SCAPER: variants seen among roughly 807,000 people sequenced by gnomAD.
SCAPER encodes S-phase cyclin A associated protein in the ER, also known as S phase cyclin A-associated protein in the endoplasmic reticulum.
A neutral mutation model predicts 182.2 loss-of-function variants in SCAPER; 98 were observed. The observed-to-expected ratio is 0.54, with a 90% CI of 0.46 to 0.64. The LOEUF is 0.64. SCAPER is among the 30% of genes least tolerant of loss of function. The probability of loss-of-function intolerance (pLI) is 0.00; values close to 1 mark genes in which losing one functional copy is unlikely to be tolerated. For missense variants in SCAPER, 1,432 were observed against 1,690.0 expected (o/e 0.85, Z 2.68); for synonymous variants, 605 against 564.6 (o/e 1.07, Z -1.01).
At chr15:76,415,382 ACT>A (rs1158555017) in intron 26 of SCAPER, among the ~76,000 whole-genome samples, 1 of 152,080 alleles carries the variant, frequency 6.6e-6, no homozygotes, top group Admixed American at 6.5e-5. Context: ...CCCTTGAGAA[ACT>A]CTGTACAAGT....
In SCAPER at chr15:76,632,600, T is replaced by C. The variant is rs148035197; in HGVS notation, c.2646-10771A>G. 2.0e-5 allele frequency among the ~76,000 whole-genome samples: 3 copies of C among 152,312 alleles called. No homozygotes were observed. The East Asian group carries it at 5.8e-4, about 29-fold the overall frequency. ...TTACCCATCTTCTGAAGCCTACTTC[T>C]GTCAATTCATCCGTCTCAGCTTCAG... On this transcript the variant is annotated intron_variant, in intron 21 of 31. Transcript: ENST00000563290.
chr15:76,661,347 A>AG (rs771885836), intron 21 of SCAPER, among the ~76,000 whole-genome samples: 1 of 152,232 alleles, frequency 6.6e-6, no homozygotes, highest in Non-Finnish European at 1.5e-5. Flanking sequence ...ATTAAACTAA[A>AG]GAGCTTCTGC....
intron 25 of SCAPER, among the ~76,000 whole-genome samples, chr15:76,441,180 C>T (rs1158708778): frequency 6.6e-6 from 1 of 151,478 alleles, no homozygotes; most frequent in African/African-American, 2.4e-5. Flanking sequence ...CTTGGCCTCC[C>T]AAAGTGCTGG....
At chr15:76,779,041 T>TTATAGGA (rs901602218) in intron 8 of SCAPER, among the ~76,000 whole-genome samples, 3 of 151,928 alleles carry the variant, frequency 2.0e-5, no homozygotes, top group African/African-American at 4.8e-5. Flanking sequence ...ACACAAAACA[T>TTATAGGA]TATAGGATAT....
intron 29 of SCAPER, among the ~76,000 whole-genome samples, chr15:76,375,392 C>T (rs2042482981): frequency 1.3e-5 from 2 of 151,740 alleles, no homozygotes; most frequent in African/African-American, 2.4e-5. Context: ...CTCACCAACA[C>T]CAAAGGAAGG....
At chr15:76,536,636 T>A (rs1290481500) in intron 23 of SCAPER, among the ~76,000 whole-genome samples, 1 of 152,116 alleles carries the variant, frequency 6.6e-6, no homozygotes, top group Non-Finnish European at 1.5e-5. Flanking sequence ...ACTGGAAGCA[T>A]TCCCTTTGAA....
chr15:76,616,799 T>C (rs2454452), intron 22 of SCAPER, among the ~76,000 whole-genome samples: 147,995 of 152,162 alleles, frequency 0.97, 72,088 homozygotes, highest in South Asian at 1. Context: ...CATTACTACC[T>C]TTTTGGGCCT....
chr15:76,481,011 A>G (rs969884250), intron 24 of SCAPER, among the ~76,000 whole-genome samples: 3 of 152,166 alleles, frequency 2.0e-5, no homozygotes, highest in Admixed American at 6.6e-5. Context: ...GATTACAGGC[A>G]TGAGCCACCG....
intron 4 of SCAPER, among the ~76,000 whole-genome samples, chr15:76,857,434 GAAAAAAAAAAAGTTA>G (rs2071492681): frequency 8.3e-6 from 1 of 120,592 alleles, no homozygotes; most frequent in African/African-American, 3.1e-5. Context: ...CTGTCTCAAA[GAAAAAAAAAAAGTTA>G]AAAAAAAAAA....
chr15:76,369,687 T>G (rs1050446379), intron 29 of SCAPER, among the ~76,000 whole-genome samples: 3 of 152,234 alleles, frequency 2.0e-5, no homozygotes, highest in African/African-American at 7.2e-5. Context: ...GTGGGGGCAG[T>G]AGAAAGGGAA....
rs143906719 is a variant in SCAPER at position 76,785,581 on chromosome 15, T to C, written c.772+9699A>G. ...TATTATAAAGACATATGCACACGTA[T>C]GTTTATTGTGGCACTATTCACAATA... On this transcript the variant is annotated intron_variant, in intron 8 of 31. Coordinates refer to ENST00000563290, the MANE Select transcript of SCAPER (RefSeq NM_020843.4). Among the ~76,000 whole-genome samples the C allele has an allele frequency of 8.1e-3, 1,232 of 152,330 alleles. 19 individuals are homozygous for C. The highest frequency in any genetic ancestry group is 0.027 in the African/African-American group (1,118 of 41,552).
Position 76,819,676 on chromosome 15 carries a change from G to A in SCAPER, c.394-15043C>T, listed in dbSNP as rs8040660. Reference sequence around the variant, plus strand: ...AACCGGAAACTCTAAAAATCAGAGCGCCTCTCCTCCTCCAAAGGAACGCAG... The same window carrying A: ...AACCGGAAACTCTAAAAATCAGAGCACCTCTCCTCCTCCAAAGGAACGCAG... On this transcript the variant is annotated intron_variant, in intron 5 of 31. Transcript: ENST00000563290. Among the ~76,000 whole-genome samples the A allele has an allele frequency of 4.4e-3, 671 of 152,248 alleles. 7 individuals carry two copies. Among genetic ancestry groups the A allele is most frequent in the African/African-American group, 0.015 (635 of 41,548 alleles).
intron 20 of SCAPER, among the ~76,000 whole-genome samples, chr15:76,681,564 G>A (rs908201501): frequency 1.3e-5 from 2 of 152,154 alleles, no homozygotes; most frequent in Non-Finnish European, 2.9e-5. Flanking sequence ...CAGCGAGAGT[G>A]AACAGAAGCA....
At chr15:76,685,920 A>G (rs983274162) in intron 20 of SCAPER, among the ~76,000 whole-genome samples, 4 of 152,134 alleles carry the variant, frequency 2.6e-5, no homozygotes, top group Non-Finnish European at 2.9e-5. Context: ...GCTGTAAAAA[A>G]TAATTCTAAG....
rs117552750 is a variant in SCAPER, at chr15:76,701,770, T to C, written c.2496A>G (p.Ser832=). 0.041 allele frequency: 65,960 copies of C among 1,613,362 alleles called. 1,626 individuals carry two copies. Among genetic ancestry groups the C allele is most frequent in the Non-Finnish European group, 0.048 (56,935 of 1,179,366 alleles). Residue 832 remains serine, a synonymous_variant, in exon 20 of 32, where the codon TCA becomes TCG. Coordinates refer to ENST00000563290, the MANE Select transcript of SCAPER (RefSeq NM_020843.4). The part of the protein sequence containing the change: ...ENTSIQGREL[S]DEEVEHLSLK... Reference sequence around the variant, plus strand: ...AAATAAAGTTTACCACTTCTTCATCTGACAGTTCACGCCCCTGGATGCTGG... The same window carrying C: ...AAATAAAGTTTACCACTTCTTCATCCGACAGTTCACGCCCCTGGATGCTGG...
At chr15:76,622,196 G>C (rs1269396090) in intron 21 of SCAPER, among the ~76,000 whole-genome samples, 1 of 152,094 alleles carries the variant, frequency 6.6e-6, no homozygotes, top group Admixed American at 6.5e-5. Flanking sequence ...AAACTAGTAG[G>C]TGACAGTCAT....
At chr15:76,839,566 A>G (rs529913329) in intron 5 of SCAPER, among the ~76,000 whole-genome samples, 1 of 152,344 alleles carries the variant, frequency 6.6e-6, no homozygotes, top group South Asian at 2.1e-4. Context: ...ATATAAAAAT[A>G]CCTTTTAAAC....
intron 17 of SCAPER, among the ~76,000 whole-genome samples, chr15:76,711,964 G>C (rs2059606891): frequency 6.6e-6 from 1 of 152,044 alleles, no homozygotes; most frequent in African/African-American, 2.4e-5. Context: ...TGTCAATTTT[G>C]GCTTTTGTTG....
chr15:76,430,147 ACAC>A (rs2046767394), intron 26 of SCAPER, among the ~76,000 whole-genome samples: 1 of 152,340 alleles, frequency 6.6e-6, no homozygotes, highest in Middle Eastern at 3.4e-3. Flanking sequence ...TTGGGAACCT[ACAC>A]CTAGATTTCA....
Sources: gnomAD v4.1 joint callset for allele counts (sites outside exome capture counted in the v4.1 genomes callset) on GRCh38, gnomAD v4.1.1 for gene constraint, MANE v1.5 for transcripts, NCBI Gene and HGNC (gene_info 2026-07-23, HGNC 2026-07-21) for gene names.